The following BAZ2B variants were observed in gnomAD, a reference collection of about 807,000 sequenced individuals.
The protein encoded by BAZ2B is bromodomain adjacent to zinc finger domain 2B, also known as bromodomain adjacent to zinc finger domain protein 2B.
Under a neutral mutation model 246.0 loss-of-function variants are expected in BAZ2B, and 91 were observed. That is an observed-to-expected ratio of 0.37 (90% CI 0.31 to 0.44). The LOEUF is 0.44. BAZ2B is among the 20% of genes least tolerant of loss of function. The pLI, the probability that BAZ2B is intolerant of heterozygous loss-of-function variation, is 1.00. For synonymous variants in BAZ2B, 855 were observed against 860.0 expected (o/e 0.99, Z 0.10); for missense variants, 2,332 against 2,533.7 (o/e 0.92, Z 1.71).
In BAZ2B at chr2:159,583,312, G is replaced by A. The variant is rs553623530; in HGVS notation, c.-45-27447C>T. ...GTATTTTTAGTAGAGACAGGGTTTC[G>A]CCATGTTGGCCAGGCTGATCTAGAG... On this transcript the variant is annotated intron_variant, in intron 1 of 36. Coordinates refer to ENST00000392783, the MANE Select transcript of BAZ2B (RefSeq NM_013450.4). Among the ~76,000 whole-genome samples, 144 of 151,908 alleles carry A rather than the reference G, an allele frequency of 9.5e-4. 1 individual carries two copies. The highest frequency in any genetic ancestry group is 2.2e-3 in the Admixed American group (34 of 15,256).
intron 31 of BAZ2B, among the ~76,000 whole-genome samples, chr2:159,338,767 G>C (rs2066099313): frequency 1.3e-5 from 2 of 152,048 alleles, no homozygotes; most frequent in African/African-American, 2.4e-5. Context: ...GATATTGCCT[G>C]GTCTCCAATT....
the BAZ2B span, among the ~76,000 whole-genome samples, chr2:159,641,450 G>A: frequency 2.0e-5 from 3 of 152,004 alleles, no homozygotes; most frequent in Non-Finnish European, 4.4e-5. Flanking sequence ...CCTTATAGAC[G>A]CTGCATATTA....
At chr2:159,700,445 G>C in the BAZ2B span, among the ~76,000 whole-genome samples, 5 of 55,166 alleles carry the variant, frequency 9.1e-5, no homozygotes, top group Non-Finnish European at 1.5e-4. Context: ...GTATTCTTTT[G>C]TTTGTTTGTT....
Position 159,431,076 on chromosome 2 carries a change from T to C in BAZ2B, c.1981A>G (p.Ser661Gly). The change falls in exon 10 of 37, where the codon AGT becomes GGT. Residue 661 changes from serine (S) to glycine (G), a missense_variant. Ser to Gly is a moderately conservative substitution (Grantham distance 56, BLOSUM62 0). Around this residue, in one of 9 missense-constraint regions of BAZ2B, gnomAD observed 651 missense variants for 650.9 expected, o/e 1.00. Transcript: ENST00000392783. The part of the protein sequence containing the change: ...DDDKDQDESD[S>G]DTEGEKTSMK... ...GAAGTTTTCTCTCCTTCAGTATCAC[T>C]ATCTGATTCATCTTGGTCTTTATCA... The C allele has an allele frequency of 6.2e-7, 1 of 1,614,054 alleles. No individual in the cohort carries two copies. The highest frequency in any genetic ancestry group is 1.3e-5 in the African/African-American group (1 of 75,058).
rs1304839267 is a variant in BAZ2B, at chr2:159,455,762, GGTTT to G, written c.146-1965_146-1962del. On this transcript the variant is annotated intron_variant, in intron 3 of 36. Transcript: ENST00000392783. ...AGTGATAGGTTACCAGAAATATTGT[GGTTT>G]TTTTTTTTTTTTTTTTTTTTTTGGC... Among the ~76,000 whole-genome samples, 466 of 97,138 alleles carry G rather than the reference GGTTT, an allele frequency of 4.8e-3. 2 individuals are homozygous for G. The highest frequency in any genetic ancestry group is 0.017 in the Middle Eastern group (2 of 120). The allele number at this position is 97,138 out of a possible 152,430, so 63.7% of individuals were successfully genotyped here.
At chr2:159,378,958 AG>A (rs1370485931) in intron 25 of BAZ2B, among the ~76,000 whole-genome samples, 1 of 152,156 alleles carries the variant, frequency 6.6e-6, no homozygotes, top group Non-Finnish European at 1.5e-5. Flanking sequence ...CAAAAAATTA[AG>A]AATAGAACTA....
At chr2:159,500,324 T>G (rs193146912) in intron 2 of BAZ2B, among the ~76,000 whole-genome samples, 3 of 152,286 alleles carry the variant, frequency 2.0e-5, no homozygotes, top group Admixed American at 1.3e-4. Flanking sequence ...GATCAGATGA[T>G]TGTAGGTGTG....
intron 25 of BAZ2B, among the ~76,000 whole-genome samples, chr2:159,379,260 C>T (rs2061722177): frequency 6.6e-6 from 1 of 152,026 alleles, no homozygotes; most frequent in Admixed American, 6.6e-5. Flanking sequence ...TATATGATTC[C>T]AATTATATGA....
At position 159,382,695 on chromosome 2, in the gene BAZ2B, C is replaced by T. The variant is rs373486810; in HGVS notation, c.3869G>A (p.Arg1290Gln). The change falls in exon 25 of 37, where the codon CGA becomes CAA. Residue 1290 changes from arginine (R) to glutamine (Q), a missense_variant. This residue lies in a region of BAZ2B where 328 missense variants were observed against 410.4 expected (regional missense o/e 0.80). Coordinates refer to ENST00000392783, the MANE Select transcript of BAZ2B (RefSeq NM_013450.4). ...ATCACTGTCTCCTCCCTTCCTTCTT[C>T]GCTTGCGTCCTGGAGTGGGTGTGCC... is the stretch of plus-strand genomic sequence containing the variant. ...PLGTPTPGRK[R>Q]RRKGGDSDYD... 6.2e-6 allele frequency: 10 copies of T among 1,612,584 alleles called. No homozygotes were observed. The highest frequency in any genetic ancestry group is 2.2e-5 in the East Asian group (1 of 44,790).
chr2:159,709,812 A>G, the BAZ2B span, among the ~76,000 whole-genome samples: 1 of 152,236 alleles, frequency 6.6e-6, no homozygotes, highest in Non-Finnish European at 1.5e-5. Flanking sequence ...TGCTCAAAAC[A>G]TAAGAGTAAA....
At chr2:159,543,764 G>A (rs1240640268) in intron 2 of BAZ2B, among the ~76,000 whole-genome samples, 3 of 152,182 alleles carry the variant, frequency 2.0e-5, no homozygotes, top group African/African-American at 7.2e-5. Context: ...TTGATCCCTT[G>A]ACCTCATGAT....
chr2:159,382,917 G>GTTTC (rs2062166979), intron 24 of BAZ2B, 115 bp from the exon 25 acceptor site: 1 of 1,343,078 alleles, frequency 7.4e-7, no homozygotes, highest in Admixed American at 2.6e-5. Flanking sequence ...TTTGTGTTAA[G>GTTTC]CGATATACCA....
At chr2:159,680,399 G>C in the BAZ2B span, among the ~76,000 whole-genome samples, 7 of 152,148 alleles carry the variant, frequency 4.6e-5, no homozygotes, top group African/African-American at 1.4e-4. Context: ...GATAGAATAA[G>C]TATATACATG....
chr2:159,411,090 T>C (rs188962483), intron 14 of BAZ2B, among the ~76,000 whole-genome samples: 2 of 152,304 alleles, frequency 1.3e-5, no homozygotes, highest in Admixed American at 6.5e-5. Flanking sequence ...GGCATGATCA[T>C]AGCTCACTGT....
intron 1 of BAZ2B, among the ~76,000 whole-genome samples, chr2:159,557,817 T>G (rs2089378562): frequency 6.6e-6 from 1 of 151,944 alleles, no homozygotes; most frequent in Non-Finnish European, 1.5e-5. Context: ...CAAAAGAAAG[T>G]TTAAATAAAA....
chr2:159,433,535 AT>A, intron 8 of BAZ2B, 172 bp from the exon 9 acceptor site: 1 of 530,516 alleles, frequency 1.9e-6, no homozygotes, highest in Non-Finnish European at 3.1e-6. Context: ...TGGTTGCTAC[AT>A]TTTGGCTCTA....
chr2:159,510,088 A>G (rs976943436), intron 2 of BAZ2B, among the ~76,000 whole-genome samples: 26 of 152,228 alleles, frequency 1.7e-4, no homozygotes, highest in African/African-American at 6.3e-4. Flanking sequence ...TATGAAAAAT[A>G]TGTAGAAGAG....
At chr2:159,627,359 C>T in the BAZ2B span, among the ~76,000 whole-genome samples, 1 of 126,950 alleles carries the variant, frequency 7.9e-6, no homozygotes, top group Admixed American at 7.9e-5. Context: ...GCAGACACAC[C>T]AAAAAAAAAA....
chr2:159,409,082 C>G (rs2066415176), intron 14 of BAZ2B, among the ~76,000 whole-genome samples: 1 of 151,634 alleles, frequency 6.6e-6, no homozygotes, highest in South Asian at 2.1e-4. Context: ...TTATAATTAC[C>G]TTTTGAAATA....
Sources: gnomAD v4.1 joint callset for allele counts (sites outside exome capture counted in the v4.1 genomes callset) on GRCh38, gnomAD v4.1.1 for gene constraint, gnomAD v4.1.1 regional missense constraint, MANE v1.5 for transcripts, NCBI Gene and HGNC (gene_info 2026-07-23, HGNC 2026-07-21) for gene names.